Variants in CNBD1 observed in about 807,000 individuals in gnomAD.
CNBD1 encodes cyclic nucleotide-binding domain-containing protein 1.
CNBD1 carries 71 observed loss-of-function variants against 54.4 expected under a neutral mutation model. The ratio of observed to expected loss-of-function variants is 1.30; its 90% CI spans 1.08 to 1.59. The LOEUF is 1.59. Ranked by LOEUF, CNBD1 falls within the 40% of genes most tolerant of loss-of-function variation. The probability of loss-of-function intolerance (pLI) is 0.00; values close to 1 mark genes in which losing one functional copy is unlikely to be tolerated. For missense variants in CNBD1, 659 were observed against 518.0 expected, an observed-to-expected ratio of 1.27 and a Z score of -2.64; for synonymous variants, 182 against 170.7, an observed-to-expected ratio of 1.07 and a Z score of -0.51.
At chr8:87,018,638 A>G (rs949649012) in intron 4 of CNBD1, among the ~76,000 whole-genome samples, 1 of 152,042 alleles carries the variant, frequency 6.6e-6, no homozygotes, top group Non-Finnish European at 1.5e-5. Flanking sequence ...TTTTTGTTTT[A>G]CTTCCAAAAA....
At chr8:87,082,435 G>C (rs749308152) in intron 4 of CNBD1, among the ~76,000 whole-genome samples, 1 of 152,162 alleles carries the variant, frequency 6.6e-6, no homozygotes, top group African/African-American at 2.4e-5. Flanking sequence ...TCTTCACAGG[G>C]ATGTGCATGA....
chr8:87,242,657 C>A (rs150900505), intron 6 of CNBD1, among the ~76,000 whole-genome samples: 1 of 152,248 alleles, frequency 6.6e-6, no homozygotes, highest in African/African-American at 2.4e-5. Flanking sequence ...TTTATGCCTC[C>A]TTAAAATGTA....
At chr8:86,925,281 T>C (rs62529575) in intron 3 of CNBD1, among the ~76,000 whole-genome samples, 42,358 of 152,074 alleles carry the variant, frequency 0.28, 6,370 homozygotes, top group East Asian at 0.38. Context: ...CTAGTGATAA[T>C]TAAGCTAAGC....
chr8:86,970,456 T>C (rs1406845476), intron 4 of CNBD1, among the ~76,000 whole-genome samples: 1 of 151,904 alleles, frequency 6.6e-6, no homozygotes. Flanking sequence ...CGGAGTTCTT[T>C]TTTTCAATTT....
intron 2 of CNBD1, among the ~76,000 whole-genome samples, chr8:87,414,766 TA>T (rs560090964): frequency 5.0e-5 from 7 of 139,282 alleles, no homozygotes; most frequent in African/African-American, 1.7e-4. Context: ...AAAACTAAAG[TA>T]AAAAACTTGT....
At chr8:87,294,183 T>C (rs754222461) in intron 8 of CNBD1, among the ~76,000 whole-genome samples, 8 of 151,860 alleles carry the variant, frequency 5.3e-5, no homozygotes, top group Non-Finnish European at 7.4e-5. Flanking sequence ...TGAGAGGCAA[T>C]GGAGATAAGA....
At chr8:87,110,117 C>T (rs917475865) in intron 4 of CNBD1, among the ~76,000 whole-genome samples, 2 of 152,134 alleles carry the variant, frequency 1.3e-5, no homozygotes, top group East Asian at 1.9e-4. Context: ...CTCAGCCCAT[C>T]GGGAGGATTA....
At chr8:87,047,731 T>G (rs1200507189) in intron 4 of CNBD1, among the ~76,000 whole-genome samples, 2 of 152,230 alleles carry the variant, frequency 1.3e-5, no homozygotes, top group African/African-American at 4.8e-5. Context: ...GAGTTTCTAT[T>G]TGTCAAAATA....
chr8:87,424,868 G>A (rs1335751009), intron 2 of CNBD1, among the ~76,000 whole-genome samples: 1 of 152,092 alleles, frequency 6.6e-6, no homozygotes, highest in East Asian at 1.9e-4. Flanking sequence ...ACGTTGGCCT[G>A]CCTTGCTAGA....
rs551250960 is a variant in CNBD1, at chr8:87,016,004, C to G, written c.431+76250C>G. ...AAAAAAAAAAAAAAAAAAAAAAAAG[C>G]CTTTTATTCTGCATAGCTGTTATAC... On this transcript the variant is annotated intron_variant, in intron 4 of 10. Coordinates refer to ENST00000518476, the MANE Select transcript of CNBD1 (RefSeq NM_173538.3). Among the ~76,000 whole-genome samples, 133 of 135,114 alleles carry G rather than the reference C, an allele frequency of 9.8e-4. 1 individual carries two copies. Among genetic ancestry groups the G allele is most frequent in the Non-Finnish European group, 1.7e-3 (106 of 63,602 alleles). The allele number at this position is 135,114 out of a possible 152,430, so 88.6% of individuals were successfully genotyped here.
At chr8:87,271,940 C>T (rs370469827) in intron 6 of CNBD1, among the ~76,000 whole-genome samples, 1 of 151,846 alleles carries the variant, frequency 6.6e-6, no homozygotes, top group East Asian at 1.9e-4. Context: ...AAAATAAAAT[C>T]ATGTCAACTG....
At chr8:87,189,247 T>C (rs1385565847) in intron 4 of CNBD1, among the ~76,000 whole-genome samples, 1 of 152,192 alleles carries the variant, frequency 6.6e-6, no homozygotes, top group African/African-American at 2.4e-5. Flanking sequence ...ACTCAGATCT[T>C]ATGAACCGAG....
At chr8:87,245,778 A>T (rs181740775) in intron 6 of CNBD1, among the ~76,000 whole-genome samples, 9 of 152,012 alleles carry the variant, frequency 5.9e-5, no homozygotes, top group African/African-American at 2.2e-4. Context: ...GTAGTGATAT[A>T]ATTTTTTAAT....
At chr8:86,921,305 T>G (rs1809267613) in intron 3 of CNBD1, among the ~76,000 whole-genome samples, 1 of 152,150 alleles carries the variant, frequency 6.6e-6, no homozygotes, top group Non-Finnish European at 1.5e-5. Context: ...CCATATTTTC[T>G]CTGAGCTCCA....
At chr8:87,188,764 T>TA (rs1162290403) in intron 4 of CNBD1, among the ~76,000 whole-genome samples, 2 of 134,450 alleles carry the variant, frequency 1.5e-5, no homozygotes, top group African/African-American at 5.8e-5. Context: ...AAAAAAAAAA[T>TA]AAAAATAAAA....
At chr8:87,320,530 C>T (rs537201678) in intron 8 of CNBD1, among the ~76,000 whole-genome samples, 83 of 151,406 alleles carry the variant, frequency 5.5e-4, no homozygotes, top group African/African-American at 2.0e-3. Flanking sequence ...GTGCCACCTC[C>T]CTTAGTTCAA....
At chr8:87,061,890 G>A (rs1350639993) in intron 4 of CNBD1, among the ~76,000 whole-genome samples, 1 of 152,162 alleles carries the variant, frequency 6.6e-6, no homozygotes, top group African/African-American at 2.4e-5. Context: ...ATTCTACCCT[G>A]TGGTATGCCC....
chr8:87,119,092 C>G (rs573462319), intron 4 of CNBD1, among the ~76,000 whole-genome samples: 1 of 151,990 alleles, frequency 6.6e-6, no homozygotes, highest in Admixed American at 6.6e-5. Flanking sequence ...TTTTTTGGTT[C>G]CATATGAATT....
At chr8:87,041,423 A>G (rs1810065694) in intron 4 of CNBD1, among the ~76,000 whole-genome samples, 1 of 152,164 alleles carries the variant, frequency 6.6e-6, no homozygotes, top group South Asian at 2.1e-4. Context: ...GTCGGTGTGA[A>G]ATAAGTATGG....
Sources: gnomAD v4.1 joint callset for allele counts (sites outside exome capture counted in the v4.1 genomes callset) on GRCh38, gnomAD v4.1.1 for gene constraint, MANE v1.5 for transcripts, NCBI Gene and HGNC (gene_info 2026-07-23, HGNC 2026-07-21) for gene names.